KCNB2: variants seen among roughly 807,000 people sequenced by gnomAD.
The protein encoded by KCNB2 is delayed rectifier potassium channel protein.
Under a neutral mutation model 61.5 loss-of-function variants are expected in KCNB2, and 15 were observed. That is an observed-to-expected ratio of 0.24 (90% confidence interval 0.16 to 0.38). KCNB2 has a LOEUF of 0.38. Ranked by LOEUF, KCNB2 falls within the 10% of genes least tolerant of loss-of-function variation. KCNB2 has a pLI of 1.00. For synonymous variants in KCNB2, 457 were observed against 446.0 expected, an observed-to-expected ratio of 1.02 and a Z score of -0.31; for missense variants, 828 against 1,125.2, an observed-to-expected ratio of 0.74 and a Z score of 3.78.
intron 2 of KCNB2, among the ~76,000 whole-genome samples, chr8:72,585,777 C>A (rs1806993173): frequency 6.6e-6 from 1 of 152,162 alleles, no homozygotes; most frequent in African/African-American, 2.4e-5. Flanking sequence ...TAACAGAGAT[C>A]TATTGGTGTT....
chr8:72,936,754 G>A lies in KCNB2; in HGVS notation c.1399G>A (p.Val467Met). 1.2e-6 allele frequency: 2 copies of A among 1,614,192 alleles called. No individual in the cohort carries two copies. The highest frequency in any genetic ancestry group is 8.5e-7 in the Non-Finnish European group (1 of 1,180,028). ...AFARSMELIDVAVEKAGESAN... is the reference protein window; with the variant it reads ...AFARSMELIDMAVEKAGESAN... ...CGCTCGAAGTATGGAACTGATAGATGTGGCTGTTGAGAAGGCCGGAGAGTC... is the reference window on the plus strand; with the variant it reads ...CGCTCGAAGTATGGAACTGATAGATATGGCTGTTGAGAAGGCCGGAGAGTC... Residue 467 changes from valine to methionine, a missense_variant, in exon 3 of 3, where the codon GTG becomes ATG. By Grantham distance (21) the Val-to-Met change is conservative. Coordinates refer to ENST00000523207, the MANE Select transcript of KCNB2 (RefSeq NM_004770.3). The surrounding 1 kb of genome is among the most constrained non-coding windows in gnomAD (Gnocchi z 5.6).
intron 1 of KCNB2, among the ~76,000 whole-genome samples, chr8:72,561,729 C>CATA (rs1806525341): frequency 4.9e-5 from 1 of 20,404 alleles, no homozygotes; most frequent in Non-Finnish European, 7.8e-5. Flanking sequence ...ATATATATAT[C>CATA]TATATCTATA....
At chr8:72,646,949 C>G (rs933994988) in intron 2 of KCNB2, among the ~76,000 whole-genome samples, 2 of 151,932 alleles carry the variant, frequency 1.3e-5, no homozygotes, top group Admixed American at 1.3e-4. Flanking sequence ...ATTTTCTTGG[C>G]CAAAGTTCCA....
chr8:72,733,741 AG>A (rs1396922471), intron 2 of KCNB2, among the ~76,000 whole-genome samples: 2 of 152,028 alleles, frequency 1.3e-5, no homozygotes, highest in Non-Finnish European at 2.9e-5. Flanking sequence ...GATCACCCCA[AG>A]CTGCAGTTTC....
At chr8:72,761,058 A>G (rs1808370787) in intron 2 of KCNB2, among the ~76,000 whole-genome samples, 2 of 152,134 alleles carry the variant, frequency 1.3e-5, no homozygotes, top group Non-Finnish European at 2.9e-5. Flanking sequence ...ATTCTCAAAA[A>G]CCATTATGAC....
chr8:72,713,039 A>C (rs1807352043), intron 2 of KCNB2, among the ~76,000 whole-genome samples: 1 of 152,216 alleles, frequency 6.6e-6, no homozygotes, highest in Non-Finnish European at 1.5e-5. Flanking sequence ...GGAGGGTCCT[A>C]CGCCCACGGA....
At chr8:72,539,041 G>A (rs1195983397) in intron 1 of KCNB2, among the ~76,000 whole-genome samples, 1 of 147,770 alleles carries the variant, frequency 6.8e-6, no homozygotes, top group Admixed American at 6.9e-5. Flanking sequence ...AGAAAATAAA[G>A]TTTTGTTTTA....
intron 2 of KCNB2, among the ~76,000 whole-genome samples, chr8:72,647,491 A>T (rs1278978148): frequency 6.6e-6 from 1 of 152,164 alleles, no homozygotes; most frequent in Non-Finnish European, 1.5e-5. Context: ...ACCTACTCAG[A>T]GTTATAAATA....
intron 2 of KCNB2, among the ~76,000 whole-genome samples, chr8:72,592,527 TGG>T (rs1363136656): frequency 6.6e-6 from 1 of 152,044 alleles, no homozygotes; most frequent in African/African-American, 2.4e-5. Flanking sequence ...ATGTTGTCTT[TGG>T]GGCTGCTCAC....
chr8:72,905,468 G>C (rs924372719), intron 2 of KCNB2, among the ~76,000 whole-genome samples: 2 of 149,496 alleles, frequency 1.3e-5, no homozygotes, highest in African/African-American at 5.1e-5. Flanking sequence ...AATTATAAGA[G>C]GGTTAGAAAG....
intron 2 of KCNB2, among the ~76,000 whole-genome samples, chr8:72,874,323 T>G (rs1321442845): frequency 2.0e-5 from 3 of 152,234 alleles, no homozygotes; most frequent in Non-Finnish European, 4.4e-5. Context: ...CACTGAGGGC[T>G]GCCGGCTTTA....
intron 2 of KCNB2, among the ~76,000 whole-genome samples, chr8:72,828,443 T>C (rs566892646): frequency 2.6e-5 from 4 of 152,156 alleles, no homozygotes; most frequent in Admixed American, 6.5e-5. Context: ...GGTACCTGGA[T>C]TTTTTTTAAT....
At chr8:72,714,214 A>G (rs1472117416) in intron 2 of KCNB2, among the ~76,000 whole-genome samples, 2 of 152,224 alleles carry the variant, frequency 1.3e-5, no homozygotes, top group African/African-American at 2.4e-5. Context: ...GGGGAGAATG[A>G]AACCAACTTG....
intron 2 of KCNB2, among the ~76,000 whole-genome samples, chr8:72,826,391 A>G (rs1170543877): frequency 6.6e-6 from 1 of 152,194 alleles, no homozygotes; most frequent in Non-Finnish European, 1.5e-5. Flanking sequence ...TTAGGAGTGG[A>G]ATTTTTTATG....
At chr8:72,577,988 C>A (rs1038153067) in intron 2 of KCNB2, among the ~76,000 whole-genome samples, 7 of 152,156 alleles carry the variant, frequency 4.6e-5, no homozygotes, top group Non-Finnish European at 2.9e-5. Context: ...TTAAAACACT[C>A]ACATTTTAGT....
chr8:72,561,691 T>TTATATATATATATATATATATATA (rs1172254677), intron 1 of KCNB2, among the ~76,000 whole-genome samples: 1 of 19,406 alleles, frequency 5.2e-5, no homozygotes, highest in Non-Finnish European at 8.3e-5. Flanking sequence ...GATCTTACTT[T>TTATATATATATATATATATATATA]TATATATATA....
intron 2 of KCNB2, among the ~76,000 whole-genome samples, chr8:72,915,655 C>T (rs1315304477): frequency 2.6e-5 from 4 of 152,308 alleles, no homozygotes; most frequent in East Asian, 3.9e-4. Context: ...CACGGTGGCT[C>T]ATACCTGTAA....
intron 2 of KCNB2, among the ~76,000 whole-genome samples, chr8:72,933,102 C>T (rs16919329): frequency 0.13 from 20,480 of 152,192 alleles, 3,288 homozygotes; most frequent in East Asian, 0.79. Context: ...GGCTTAAGGG[C>T]TTGAATGATT....
intron 2 of KCNB2, among the ~76,000 whole-genome samples, chr8:72,597,041 T>C (rs1440576517): frequency 3.2e-4 from 34 of 107,836 alleles, no homozygotes; most frequent in African/African-American, 9.9e-4. Context: ...TTTTTTTTTT[T>C]TGAGATGGAC....
Sources: allele counts gnomAD v4.1 joint callset (sites outside exome capture counted in the v4.1 genomes callset), GRCh38; gene constraint gnomAD v4.1.1; non-coding constraint Gnocchi (gnomAD v3.1); transcripts MANE v1.5; gene names NCBI Gene and HGNC (gene_info 2026-07-23, HGNC 2026-07-21).